The following ANTXR2 variants were observed in gnomAD, a reference collection of about 807,000 sequenced individuals.
ANTXR2 encodes ANTXR cell adhesion molecule 2, also known as anthrax toxin receptor 2.
In ANTXR2, 44 loss-of-function variants were observed where a neutral mutation model predicts 73.7. The ratio of observed to expected loss-of-function variants is 0.60; its 90% CI spans 0.47 to 0.77. The LOEUF (loss-of-function observed/expected upper bound fraction) is 0.77, where lower values mean the gene tolerates loss of function less well. ANTXR2 is among the 30% of genes least tolerant of loss of function. The probability of loss-of-function intolerance (pLI) is 0.00; values close to 1 mark genes in which losing one functional copy is unlikely to be tolerated. For synonymous variants in ANTXR2, 217 were observed against 205.9 expected (o/e 1.05, Z -0.46); for missense variants, 604 against 592.5 (o/e 1.02, Z -0.20).
At chr4:80,021,241 A>T (rs1253294892) in intron 10 of ANTXR2, among the ~76,000 whole-genome samples, 1 of 151,924 alleles carries the variant, frequency 6.6e-6, no homozygotes, top group Non-Finnish European at 1.5e-5. Flanking sequence ...TATACTTCTG[A>T]ACTATTCCAA....
rs553977891 is a variant in ANTXR2, at chr4:80,008,966, C to T, written c.946-350G>A. ...GATTATTTTGGTTCAAAGCAAATTACCCATAGGCAGAATTTAGGCAGAATC... is the reference window on the plus strand; with the variant it reads ...GATTATTTTGGTTCAAAGCAAATTATCCATAGGCAGAATTTAGGCAGAATC... On this transcript the variant is annotated intron_variant, in intron 11 of 16. Coordinates refer to ENST00000403729, the MANE Select transcript of ANTXR2 (RefSeq NM_058172.6). 7.2e-5 allele frequency among the ~76,000 whole-genome samples: 11 copies of T among 152,156 alleles called. No individual in the cohort carries two copies. In the South Asian group the frequency reaches 1.9e-3, roughly 26 times the overall value.
intron 12 of ANTXR2, among the ~76,000 whole-genome samples, chr4:80,003,916 T>C (rs1191714317): frequency 1.3e-5 from 2 of 152,070 alleles, no homozygotes; most frequent in Admixed American, 6.6e-5. Context: ...GGCATTTACC[T>C]AGAAAAATGA....
intron 12 of ANTXR2, among the ~76,000 whole-genome samples, chr4:80,001,183 T>C (rs1238308582): frequency 6.6e-6 from 1 of 151,994 alleles, no homozygotes; most frequent in Non-Finnish European, 1.5e-5. Flanking sequence ...TTTTTTATTA[T>C]ACTTTAAGTT....
At chr4:79,929,459 C>T (rs913631950) in intron 16 of ANTXR2, among the ~76,000 whole-genome samples, 1 of 152,078 alleles carries the variant, frequency 6.6e-6, no homozygotes, top group Non-Finnish European at 1.5e-5. Context: ...TTGCAGTGAG[C>T]CAAAATTGCG....
At chr4:79,910,523 GAAAA>G (rs1727089359) in intron 16 of ANTXR2, among the ~76,000 whole-genome samples, 1 of 68,620 alleles carries the variant, frequency 1.5e-5, no homozygotes, top group Admixed American at 1.5e-4. Flanking sequence ...AAAAAAAAAA[GAAAA>G]AAAAGAAAAA....
At chr4:80,043,433 C>G (rs1733370255) in intron 7 of ANTXR2, among the ~76,000 whole-genome samples, 1 of 151,974 alleles carries the variant, frequency 6.6e-6, no homozygotes, top group Admixed American at 6.6e-5. Flanking sequence ...ATGAGAAATT[C>G]AAAACCCAAG....
rs1411831216 is a variant in ANTXR2, at chr4:80,008,598, T to C, written c.964A>G (p.Ile322Val). 2 of 1,604,204 alleles carry C rather than the reference T, an allele frequency of 1.2e-6. No individual in the cohort carries two copies. Among genetic ancestry groups the C allele is most frequent in the South Asian group, 2.3e-5 (2 of 88,448 alleles). ...AGCAGTAACACCAAAATAACAATGATGGCTGCGATCCCGTTAGACTAAAGT... is the reference window on the plus strand; with the variant it reads ...AGCAGTAACACCAAAATAACAATGACGGCTGCGATCCCGTTAGACTAAAGT... ...ATECSNGIAAIIVILVLLLLL... is the reference protein window; with the variant it reads ...ATECSNGIAAVIVILVLLLLL... Residue 322 changes from isoleucine to valine, a missense_variant, in exon 12 of 17, where the codon ATC becomes GTC. Ile to Val is a conservative substitution (Grantham distance 29). Coordinates refer to ENST00000403729, the MANE Select transcript of ANTXR2 (RefSeq NM_058172.6).
chr4:80,033,508 G>T lies in ANTXR2; in HGVS notation c.760C>A (p.Leu254Ile), dbSNP rs757107442. Residue 254 changes from leucine to isoleucine, a missense_variant, in exon 9 of 17, where the codon CTC becomes ATC. Transcript: ENST00000403729. ...FMLGSRNGSV[L>I]CTYTVNETYT... is the part of the protein sequence containing the mutation. The stretch of plus-strand genomic sequence containing the variant: ...GTTTCATTTACAGTGTAAGTGCAGA[G>T]AACACTGCCATTCCGACTGCCCAGC... 1.2e-6 allele frequency: 2 copies of T among 1,601,360 alleles called. No individual in the cohort carries two copies. Among genetic ancestry groups the T allele is most frequent in the Non-Finnish European group, 1.7e-6 (2 of 1,175,172 alleles).
chr4:80,048,021 A>C (rs2110100200), intron 7 of ANTXR2, among the ~76,000 whole-genome samples: 1 of 151,856 alleles, frequency 6.6e-6, no homozygotes, highest in South Asian at 2.1e-4. Flanking sequence ...TAATGTTCAA[A>C]TATACCATAA....
Position 79,983,975 on chromosome 4 carries a change from G to A in ANTXR2, c.1087-5C>T. The stretch of plus-strand genomic sequence containing the variant: ...AGGCAAAGGTTCTTCTTCCTCCTGT[G>A]GAAATATGTTTTATAAATAGTTTTT... On this transcript the variant is annotated splice_region_variant and splice_polypyrimidine_tract_variant and intron_variant, in intron 13 of 16. Coordinates refer to ENST00000403729, the MANE Select transcript of ANTXR2 (RefSeq NM_058172.6). 2 of 1,558,760 alleles carry A rather than the reference G, an allele frequency of 1.3e-6. No individual in the cohort carries two copies. The highest frequency in any genetic ancestry group is 1.7e-6 in the Non-Finnish European group (2 of 1,151,622).
chr4:79,910,849 G>A (rs181355047), intron 16 of ANTXR2, among the ~76,000 whole-genome samples: 23 of 152,166 alleles, frequency 1.5e-4, no homozygotes, highest in African/African-American at 5.3e-4. Flanking sequence ...AAGAGGAAAA[G>A]GTAAGAAAGA....
intron 16 of ANTXR2, among the ~76,000 whole-genome samples, chr4:79,928,115 G>T (rs754847611): frequency 3.3e-5 from 5 of 152,130 alleles, no homozygotes; most frequent in Admixed American, 6.5e-5. Context: ...CAATTCAAGT[G>T]TCTCTCCATG....
intron 11 of ANTXR2, among the ~76,000 whole-genome samples, chr4:80,012,963 G>T (rs1311319527): frequency 2.0e-5 from 3 of 152,228 alleles, no homozygotes; most frequent in African/African-American, 7.2e-5. Flanking sequence ...AGTGCTAAAT[G>T]AAGCCATAAA....
chr4:80,049,083 A>G (rs1311195892), intron 7 of ANTXR2, among the ~76,000 whole-genome samples: 1 of 151,436 alleles, frequency 6.6e-6, no homozygotes, highest in Non-Finnish European at 1.5e-5. Context: ...CATGCTTCAC[A>G]ACTGATTTAT....
chr4:80,072,599 TC>T lies in ANTXR2; in HGVS notation c.-40del. The T allele has an allele frequency of 1.4e-6, 2 of 1,456,268 alleles. No homozygotes were observed. The highest frequency in any genetic ancestry group is 1.8e-6 in the Non-Finnish European group (2 of 1,105,122). 90.2% of individuals were successfully genotyped at this position (1,456,268 alleles called of 1,614,324 possible). A position where few individuals can be genotyped will look rare whatever the true frequency, so the allele number is the denominator to read the frequency against. On this transcript the variant is annotated 5_prime_UTR_variant, in exon 1 of 17. Transcript: ENST00000403729. ...GCCTGAGACTCCCTCCCGCTCGCAG[TC>T]CCCTAAGCTCAGGAGGGTCGCAAAG...
intron 12 of ANTXR2, among the ~76,000 whole-genome samples, chr4:79,989,396 G>A (rs1197076006): frequency 6.6e-6 from 1 of 151,546 alleles, no homozygotes; most frequent in Non-Finnish European, 1.5e-5. Context: ...GAAAAACATG[G>A]GTAAATTCCT....
At chr4:79,948,782 A>G (rs1391283992) in intron 16 of ANTXR2, among the ~76,000 whole-genome samples, 1 of 152,044 alleles carries the variant, frequency 6.6e-6, no homozygotes, top group African/African-American at 2.4e-5. Flanking sequence ...GGAGGAAGGA[A>G]AGGAGGAGGA....
chr4:80,003,312 C>T (rs968226410), intron 12 of ANTXR2, among the ~76,000 whole-genome samples: 1 of 145,906 alleles, frequency 6.9e-6, no homozygotes, highest in Non-Finnish European at 1.5e-5. Context: ...ATCGCAAGAA[C>T]AAAAAACCAA....
intron 11 of ANTXR2, among the ~76,000 whole-genome samples, chr4:80,012,889 C>T (rs893269247): frequency 1.3e-5 from 2 of 152,198 alleles, no homozygotes; most frequent in Non-Finnish European, 2.9e-5. Flanking sequence ...GAGGTATCTT[C>T]CTGTTCCTCA....
Sources: allele counts gnomAD v4.1 joint callset (sites outside exome capture counted in the v4.1 genomes callset), GRCh38; gene constraint gnomAD v4.1.1; transcripts MANE v1.5; gene names NCBI Gene and HGNC (gene_info 2026-07-23, HGNC 2026-07-21).